Variants in KRAS observed in about 807,000 individuals in gnomAD.
KRAS encodes the protein KRas proto-oncogene, GTPase.
A neutral mutation model predicts 21.0 loss-of-function variants in KRAS; 1 was observed. That is an observed-to-expected ratio of 0.05 (90% CI 0.02 to 0.23). KRAS has a LOEUF of 0.23. KRAS is among the 10% of genes least tolerant of loss of function. The pLI is 1.00. For missense variants in KRAS, 107 were observed against 221.8 expected, an observed-to-expected ratio of 0.48 and a Z score of 3.29; for synonymous variants, 67 against 72.5, an observed-to-expected ratio of 0.92 and a Z score of 0.39.
rs758577956 is a variant in KRAS at position 25,208,479 on chromosome 12, T to C, written c.*1316A>G. On this transcript the variant is annotated 3_prime_UTR_variant, in exon 5 of 5. Transcript: ENST00000311936. ...TAAGAGAACTAGCCAAACCTAGAGA[T>C]TGTAAAACTTTTTCACTTCATTGTT... is the stretch of plus-strand genomic sequence containing the variant. The C allele has an allele frequency of 4.7e-5, 11 of 233,320 alleles. No homozygotes were observed. The highest frequency in any genetic ancestry group is 1.8e-4 in the South Asian group (1 of 5,526). The allele number at this position is 233,320 out of a possible 1,614,324, so 14.5% of individuals were successfully genotyped here. A position where few individuals can be genotyped will look rare whatever the true frequency, so the allele number is the denominator to read the frequency against.
chr12:25,232,241 G>A (rs562090489), intron 2 of KRAS, among the ~76,000 whole-genome samples: 35 of 152,238 alleles, frequency 2.3e-4, no homozygotes, highest in African/African-American at 8.2e-4. Context: ...ACTGCCCACA[G>A]GCCAAATCTT....
intron 1 of KRAS, among the ~76,000 whole-genome samples, chr12:25,249,720 T>C (rs894822946): frequency 3.9e-5 from 6 of 152,054 alleles, no homozygotes; most frequent in African/African-American, 1.4e-4. Flanking sequence ...GTAATAACTC[T>C]TGAGATGTAG....
intron 2 of KRAS, among the ~76,000 whole-genome samples, chr12:25,238,086 A>T (rs543744673): frequency 6.6e-6 from 1 of 152,302 alleles, no homozygotes; most frequent in South Asian, 2.1e-4. Context: ...ACATTCACTA[A>T]AAGTAAGGAT....
intron 4 of KRAS, among the ~76,000 whole-genome samples, chr12:25,211,392 T>C (rs1951199121): frequency 6.6e-6 from 1 of 152,086 alleles, no homozygotes; most frequent in Non-Finnish European, 1.5e-5. Flanking sequence ...CTGGCCAACA[T>C]GGTGAAACCC....
In KRAS at chr12:25,242,935, A is replaced by G. The variant is rs1386201847; in HGVS notation, c.111+2339T>C. Among the ~76,000 whole-genome samples, 4 of 152,172 alleles carry G rather than the reference A, an allele frequency of 2.6e-5. No individual in the cohort carries two copies. The South Asian group carries it at 6.2e-4, about 24-fold the overall frequency. On this transcript the variant is annotated intron_variant, in intron 2 of 4. Coordinates refer to ENST00000311936, the MANE Select transcript of KRAS (RefSeq NM_004985.5). ...ATAGCCACCCTCCTTACTATCTCTT[A>G]GTGTAAATTTTGAAAAATCTAAATC...
At position 25,206,706 on chromosome 12, in the gene KRAS, T is replaced by C. The variant is rs1370921042; in HGVS notation, c.*3089A>G. The C allele has an allele frequency of 5.0e-6, 1 of 198,808 alleles. No individual in the cohort carries two copies. The highest frequency in any genetic ancestry group is 1.0e-5 in the Non-Finnish European group (1 of 96,322). 12.3% of individuals were successfully genotyped at this position (198,808 alleles called of 1,614,324 possible). A position where few individuals can be genotyped will look rare whatever the true frequency, so the allele number is the denominator to read the frequency against. On this transcript the variant is annotated 3_prime_UTR_variant, in exon 5 of 5. Transcript: ENST00000311936. Reference sequence around the variant, plus strand: ...TGTTCCAAAGATCTGTAGTTTCACATAGCAATTCAGAAATCATAGTGATTT... The same window carrying C: ...TGTTCCAAAGATCTGTAGTTTCACACAGCAATTCAGAAATCATAGTGATTT...
At chr12:25,221,024 C>CAAAAAAAAAAA (rs67015511) in intron 4 of KRAS, among the ~76,000 whole-genome samples, 1 of 84,812 alleles carries the variant, frequency 1.2e-5, no homozygotes, top group African/African-American at 5.0e-5. Context: ...GACTCTGCCT[C>CAAAAAAAAAAA]AAAAAAAAAA....
chr12:25,222,342 A>C (rs1042557869), intron 4 of KRAS, among the ~76,000 whole-genome samples: 2 of 152,180 alleles, frequency 1.3e-5, no homozygotes, highest in Admixed American at 1.3e-4. Context: ...ATAGCTCTTT[A>C]AAGTCTTCCA....
intron 1 of KRAS, among the ~76,000 whole-genome samples, chr12:25,248,820 CTG>C (rs1293622981): frequency 6.6e-6 from 1 of 151,904 alleles, no homozygotes; most frequent in Admixed American, 6.6e-5. Flanking sequence ...TTTCATAAAA[CTG>C]AATTACCATC....
intron 4 of KRAS, among the ~76,000 whole-genome samples, chr12:25,218,746 C>G (rs1306456194): frequency 6.6e-6 from 1 of 152,022 alleles, no homozygotes; most frequent in African/African-American, 2.4e-5. Context: ...ACCTATGAAA[C>G]AAAACACTAG....
intron 4 of KRAS, among the ~76,000 whole-genome samples, chr12:25,210,251 T>C (rs541556649): frequency 1.3e-5 from 2 of 151,980 alleles, no homozygotes; most frequent in Admixed American, 6.6e-5. Flanking sequence ...TCCAAATGCA[T>C]GTGTGTGTGT....
intron 2 of KRAS, among the ~76,000 whole-genome samples, chr12:25,230,582 T>C (rs1212922357): frequency 2.0e-5 from 3 of 152,206 alleles, no homozygotes; most frequent in African/African-American, 4.8e-5. Flanking sequence ...GAGCTGAGAT[T>C]GTGCCATTGC....
chr12:25,235,319 T>C (rs2135794113), intron 2 of KRAS: 2 of 471,508 alleles, frequency 4.2e-6, no homozygotes, highest in African/African-American at 3.8e-5. Flanking sequence ...TGTAGAATGA[T>C]GTGTTCCGCA....
At chr12:25,234,370 G>A (rs1951517279) in intron 2 of KRAS, 1 of 180,602 alleles carries the variant, frequency 5.5e-6, no homozygotes, top group Non-Finnish European at 1.2e-5. Context: ...GTTAAGATAT[G>A]AAAGAGCTGG....
chr12:25,231,092 C>CTTTTT (rs34361223), intron 2 of KRAS, among the ~76,000 whole-genome samples: 6 of 66,366 alleles, frequency 9.0e-5, no homozygotes, highest in Non-Finnish European at 1.1e-4. Flanking sequence ...ACCTCACATT[C>CTTTTT]TTTTTTTTTT....
At chr12:25,230,418 C>T (rs1346054648) in intron 2 of KRAS, among the ~76,000 whole-genome samples, 1 of 152,092 alleles carries the variant, frequency 6.6e-6, no homozygotes, top group Non-Finnish European at 1.5e-5. Flanking sequence ...CACCTGAGGT[C>T]GGGAGTTTGA....
At chr12:25,226,788 C>T (rs1465693407) in intron 3 of KRAS, among the ~76,000 whole-genome samples, 1 of 152,142 alleles carries the variant, frequency 6.6e-6, no homozygotes, top group Non-Finnish European at 1.5e-5. Context: ...TCTTTCAAAA[C>T]TTTTATTTTT....
At chr12:25,241,517 G>A (rs540285277) in intron 2 of KRAS, among the ~76,000 whole-genome samples, 1 of 152,312 alleles carries the variant, frequency 6.6e-6, no homozygotes, top group African/African-American at 2.4e-5. Context: ...AAAAGTTAAA[G>A]TTTAAATCTT....
intron 2 of KRAS, chr12:25,234,181 A>C (rs1592814523): frequency 1.2e-5 from 2 of 170,524 alleles, no homozygotes; most frequent in East Asian, 1.1e-4. Flanking sequence ...CCTTCAATTA[A>C]ATTTTATATA....
Sources: gnomAD v4.1 joint callset for allele counts (sites outside exome capture counted in the v4.1 genomes callset) on GRCh38, gnomAD v4.1.1 for gene constraint, MANE v1.5 for transcripts, NCBI Gene and HGNC (gene_info 2026-07-23, HGNC 2026-07-21) for gene names.